PDE11A: variants seen among roughly 807,000 people sequenced by gnomAD.
The protein encoded by PDE11A is phosphodiesterase 11A, also known as dual 3',5'-cyclic-AMP and -GMP phosphodiesterase 11A.
Under a neutral mutation model 100.5 loss-of-function variants are expected in PDE11A, and 100 were observed. The observed-to-expected ratio is 1.00, with a 90% confidence interval of 0.85 to 1.18. The LOEUF (loss-of-function observed/expected upper bound fraction) is 1.18. Among genes scored for constraint, PDE11A ranks in the 50% most tolerant of loss-of-function variants. The probability of loss-of-function intolerance (pLI) is 0.00; values close to 1 mark genes in which losing one functional copy is unlikely to be tolerated. For missense variants in PDE11A, 1,141 were observed against 1,152.6 expected, an observed-to-expected ratio of 0.99 and a Z score of 0.15; for synonymous variants, 381 against 420.8, an observed-to-expected ratio of 0.91 and a Z score of 1.16.
intron 4 of PDE11A, among the ~76,000 whole-genome samples, chr2:177,885,174 CAAGT>C (rs759841537): frequency 1.9e-4 from 29 of 150,694 alleles, no homozygotes; most frequent in East Asian, 9.8e-4. Context: ...TATGTATGAA[CAAGT>C]AATATGATAC....
chr2:177,807,588 T>TTTTTGTATTTTGTATTTTGTA (rs1315451015), intron 9 of PDE11A, among the ~76,000 whole-genome samples: 1 of 152,032 alleles, frequency 6.6e-6, no homozygotes, highest in Admixed American at 6.5e-5. Flanking sequence ...GCCTGGTTAA[T>TTTTTGTATTTTGTATTTTGTA]TTTTGTATTT....
At chr2:178,029,004 A>G (rs1527295) in intron 1 of PDE11A, among the ~76,000 whole-genome samples, 76,425 of 152,014 alleles carry the variant, frequency 0.5, 20,000 homozygotes, top group East Asian at 0.71. Context: ...TTCAGATGGC[A>G]TTTCAAAAAC....
At chr2:177,697,282 T>C in intron 15 of PDE11A, 50 bp downstream of exon 15, 2 of 891,450 alleles carry the variant, frequency 2.2e-6, no homozygotes, top group South Asian at 2.6e-5. Context: ...TGGAGATTAG[T>C]TACAGGATGG....
rs138361980 is a variant in PDE11A at position 177,897,548 on chromosome 2, C to T, written c.1302+510G>A. The stretch of plus-strand genomic sequence containing the variant: ...TCTGCTGCAGGGAAGGGCCCAGCTT[C>T]GGTTGGCCATTCCATTCTGCTCGAG... On this transcript the variant is annotated intron_variant, in intron 4 of 19. Transcript: ENST00000286063. Among the ~76,000 whole-genome samples the T allele has an allele frequency of 2.4e-4, 37 of 152,308 alleles. No homozygotes were observed. In the East Asian group the frequency reaches 2.7e-3, roughly 11 times the overall value.
intron 9 of PDE11A, among the ~76,000 whole-genome samples, chr2:177,804,399 T>C (rs1000490443): frequency 6.6e-6 from 1 of 151,922 alleles, no homozygotes; most frequent in South Asian, 2.1e-4. Flanking sequence ...ACACCAGTTA[T>C]AATAGCTATT....
chr2:177,838,377 TAAAGA>T (rs71010821), intron 6 of PDE11A, among the ~76,000 whole-genome samples: 31,434 of 152,000 alleles, frequency 0.21, 3,295 homozygotes, highest in Middle Eastern at 0.25. Flanking sequence ...GTTATGTTTA[TAAAGA>T]AAAGAGCTCT....
chr2:177,637,277 T>C (rs755208690), intron 19 of PDE11A, among the ~76,000 whole-genome samples: 5 of 152,172 alleles, frequency 3.3e-5, no homozygotes, highest in Non-Finnish European at 7.4e-5. Context: ...TACCTAAGTC[T>C]TTCTGACTCT....
At chr2:178,074,365 G>GT (rs1285650275), upstream of PDE11A, among the ~76,000 whole-genome samples, 1 of 152,146 alleles carries the variant, frequency 6.6e-6, no homozygotes, top group Admixed American at 6.5e-5. Context: ...CGTATGGTAT[G>GT]TAAGTTATAT....
intron 1 of PDE11A, among the ~76,000 whole-genome samples, chr2:178,052,429 C>A (rs996910554): frequency 1.3e-5 from 2 of 152,048 alleles, no homozygotes; most frequent in Non-Finnish European, 2.9e-5. Flanking sequence ...CTAAAATTGA[C>A]CCCCTAACAT....
At chr2:178,004,777 T>G (rs2086185265) in intron 2 of PDE11A, among the ~76,000 whole-genome samples, 1 of 152,046 alleles carries the variant, frequency 6.6e-6, no homozygotes, top group Non-Finnish European at 1.5e-5. Context: ...CCCCCCAAAC[T>G]TTTCCTCCTA....
At chr2:178,016,911 C>A (rs1002810267) in intron 1 of PDE11A, among the ~76,000 whole-genome samples, 4 of 152,256 alleles carry the variant, frequency 2.6e-5, no homozygotes, top group South Asian at 2.1e-4. Context: ...TATATTTAAT[C>A]CCAAATGCAA....
chr2:177,945,087 G>A (rs2085392558), intron 2 of PDE11A, among the ~76,000 whole-genome samples: 1 of 150,620 alleles, frequency 6.6e-6, no homozygotes, highest in African/African-American at 2.4e-5. Context: ...CTCCCGAGGT[G>A]CCGGGATTGC....
Position 178,043,476 on chromosome 2 carries a change from G to C in PDE11A, c.912+28050C>G, listed in dbSNP as rs143675822. Among the ~76,000 whole-genome samples the C allele has an allele frequency of 5.6e-3, 856 of 152,238 alleles. 3 individuals carry two copies. Among genetic ancestry groups the C allele is most frequent in the African/African-American group, 0.019 (788 of 41,564 alleles). ...GCTCATAACTTTGGCTTTGAATCTTGATCTTCTAAGCCAGTAGACAAGCGG... is the reference window on the plus strand; with the variant it reads ...GCTCATAACTTTGGCTTTGAATCTTCATCTTCTAAGCCAGTAGACAAGCGG... On this transcript the variant is annotated intron_variant, in intron 1 of 19. Transcript: ENST00000286063.
intron 2 of PDE11A, among the ~76,000 whole-genome samples, chr2:178,007,435 C>T (rs2086224885): frequency 1.3e-5 from 2 of 152,160 alleles, no homozygotes; most frequent in South Asian, 4.1e-4. Flanking sequence ...CAAGTGAACA[C>T]ATAAAACACA....
intron 4 of PDE11A, among the ~76,000 whole-genome samples, chr2:177,892,189 G>A (rs2084540387): frequency 6.6e-6 from 1 of 152,072 alleles, no homozygotes; most frequent in Non-Finnish European, 1.5e-5. Flanking sequence ...ACATTAATGA[G>A]TTTAAAAAAT....
intron 9 of PDE11A, among the ~76,000 whole-genome samples, chr2:177,808,037 G>T (rs2082898972): frequency 6.6e-6 from 1 of 152,128 alleles, no homozygotes; most frequent in Non-Finnish European, 1.5e-5. Context: ...AGGAAATGGA[G>T]AAAAGTTTCA....
At chr2:177,787,107 T>C (rs950614849) in intron 9 of PDE11A, among the ~76,000 whole-genome samples, 41 of 140,522 alleles carry the variant, frequency 2.9e-4, no homozygotes, top group Non-Finnish European at 5.3e-4. Context: ...AAAGTTGAAA[T>C]GAAGGAAAAA....
chr2:177,636,947 A>G (rs904832629), intron 19 of PDE11A, among the ~76,000 whole-genome samples: 2 of 152,238 alleles, frequency 1.3e-5, no homozygotes, highest in African/African-American at 4.8e-5. Flanking sequence ...AATAAAAGTA[A>G]CTAGCTACAG....
chr2:178,061,464 G>T (rs1373688333), intron 1 of PDE11A, among the ~76,000 whole-genome samples: 3 of 152,124 alleles, frequency 2.0e-5, no homozygotes, highest in Non-Finnish European at 4.4e-5. Flanking sequence ...ATCAGTGTGT[G>T]TCAGTCTTGA....
Sources: gnomAD v4.1 joint callset for allele counts (sites outside exome capture counted in the v4.1 genomes callset) on GRCh38, gnomAD v4.1.1 for gene constraint, MANE v1.5 for transcripts, NCBI Gene and HGNC (gene_info 2026-07-23, HGNC 2026-07-21) for gene names.